Variants in XIAP observed in about 807,000 individuals in gnomAD.
XIAP encodes X-linked inhibitor of apoptosis, also known as E3 ubiquitin-protein ligase XIAP.
A neutral mutation model predicts 33.1 loss-of-function variants in XIAP; 3 were observed. That is an observed-to-expected ratio of 0.09 (90% CI 0.04 to 0.23). The LOEUF (loss-of-function observed/expected upper bound fraction) is 0.23. Among genes scored for constraint, XIAP ranks in the 10% least tolerant of loss-of-function variants. The probability of loss-of-function intolerance (pLI) is 1.00; values close to 1 mark genes in which losing one functional copy is unlikely to be tolerated. For synonymous variants in XIAP, 98 were observed against 121.3 expected (o/e 0.81, Z 1.26); for missense variants, 264 against 363.0 (o/e 0.73, Z 2.22).
intron 5 of XIAP, among the ~76,000 whole-genome samples, chrX:123,895,259 T>C (rs1007173408): frequency 2.8e-4 from 31 of 112,150 alleles, no homozygotes; most frequent in Non-Finnish European, 4.9e-4. Flanking sequence ...GGTGTATCCA[T>C]GTTGTAGCAT....
In XIAP at chrX:123,907,094, C is replaced by T. The variant is rs2053560552; in HGVS notation, c.1407C>T (p.Val469=). Residue 469 remains valine (V), a synonymous_variant, in exon 7 of 7, where the codon GTC becomes GTT. Coordinates refer to ENST00000371199, the MANE Select transcript of XIAP (RefSeq NM_001167.4). ...AIVFVPCGHL[V]TCKQCAEAVD... is the part of the protein sequence containing the mutation. Reference sequence around the variant, plus strand: ...TTTTTGTTCCTTGTGGACATCTAGTCACTTGTAAACAATGTGCTGAAGCAG... The same window carrying T: ...TTTTTGTTCCTTGTGGACATCTAGTTACTTGTAAACAATGTGCTGAAGCAG... The T allele has an allele frequency of 3.3e-6, 4 of 1,209,960 alleles. No homozygotes were observed.
At position 123,892,749 on chromosome X, in the gene XIAP, A is replaced by G. The variant is rs377097035; in HGVS notation, c.1075A>G (p.Thr359Ala). ...EECLVRTTEKTPSLTRRIDDT... is the reference protein window; with the variant it reads ...EECLVRTTEKAPSLTRRIDDT... ...GTTACAGGTAAGAACTACTGAGAAAACACCATCACTAACTAGAAGAATTGG... is the reference window on the plus strand; with the variant it reads ...GTTACAGGTAAGAACTACTGAGAAAGCACCATCACTAACTAGAAGAATTGG... Residue 359 changes from threonine (T) to alanine (A), a missense_variant, in exon 5 of 7, where the codon ACA becomes GCA. By Grantham distance (58) the Thr-to-Ala change is moderately conservative. Transcript: ENST00000371199. 3.7e-5 allele frequency: 45 copies of G among 1,201,477 alleles called. No individual in the cohort carries two copies. Among genetic ancestry groups the G allele is most frequent in the Non-Finnish European group, 4.8e-5 (43 of 888,156 alleles).
At position 123,892,744 on chromosome X, in the gene XIAP, A is replaced by G; in HGVS notation, c.1070A>G (p.Glu357Gly). The G allele has an allele frequency of 8.3e-7, 1 of 1,203,533 alleles. No individual in the cohort carries two copies. The highest frequency in any genetic ancestry group is 1.1e-6 in the Non-Finnish European group (1 of 888,530). Reference sequence around the variant, plus strand: ...TTTCTGTTACAGGTAAGAACTACTGAGAAAACACCATCACTAACTAGAAGA... The same window carrying G: ...TTTCTGTTACAGGTAAGAACTACTGGGAAAACACCATCACTAACTAGAAGA... ...SLEECLVRTT[E>G]KTPSLTRRID... The change falls in exon 5 of 7, where the codon GAG (glutamate) becomes GGG (glycine). Residue 357 changes from glutamate (E) to glycine (G), a missense_variant. Physicochemically the swap from Glu to Gly is moderately conservative, Grantham distance 98 (BLOSUM62 -2). Coordinates refer to ENST00000371199, the MANE Select transcript of XIAP (RefSeq NM_001167.4).
chrX:123,861,934 A>C (rs915806433), intron 1 of XIAP, among the ~76,000 whole-genome samples: 2 of 111,880 alleles, frequency 1.8e-5, no homozygotes, highest in Non-Finnish European at 3.8e-5. Context: ...AAATTGTCCT[A>C]AGCTTCTTGA....
Position 123,912,917 on chromosome X carries a change from A to G in XIAP, c.*5736A>G. 3.1e-6 allele frequency: 1 copy of G among 320,139 alleles called. No individual in the cohort carries two copies. Among genetic ancestry groups the G allele is most frequent in the Non-Finnish European group, 6.0e-6 (1 of 166,238 alleles). 26.4% of individuals were successfully genotyped at this position (320,139 alleles called of 1,213,427 possible). On this transcript the variant is annotated 3_prime_UTR_variant, in exon 7 of 7. Coordinates refer to ENST00000371199, the MANE Select transcript of XIAP (RefSeq NM_001167.4). ...GTGATTCATCTCCCAAAGTGCTGGG[A>G]TTACAGGCGTGAGCCACCACGGCCG...
At chrX:123,866,483 T>G (rs1286039137) in intron 1 of XIAP, among the ~76,000 whole-genome samples, 6 of 74,502 alleles carry the variant, frequency 8.1e-5, no homozygotes, top group Admixed American at 1.8e-4. Flanking sequence ...TACAATATAT[T>G]ATATATGATT....
At chrX:123,876,133 A>C (rs1045881279) in intron 1 of XIAP, among the ~76,000 whole-genome samples, 6 of 111,134 alleles carry the variant, frequency 5.4e-5, no homozygotes, top group Non-Finnish European at 1.1e-4. Flanking sequence ...GTCTGGTCTT[A>C]AATTCCTGGG....
rs1271217883 is a variant in XIAP at position 123,907,510 on chromosome X, T to C, written c.*329T>C. The C allele has an allele frequency of 5.2e-6, 2 of 381,112 alleles. No individual in the cohort carries two copies. Among genetic ancestry groups the C allele is most frequent in the South Asian group, 5.7e-5 (2 of 34,864 alleles). The allele number at this position is 381,112 out of a possible 1,213,427, so 31.4% of individuals were successfully genotyped here. ...GTAAGTGAATTAATCATCTGGATTT[T>C]TTATTCTTTTCAGATAGGCTTAACA... On this transcript the variant is annotated 3_prime_UTR_variant, in exon 7 of 7. Transcript: ENST00000371199.
intron 1 of XIAP, among the ~76,000 whole-genome samples, chrX:123,869,340 C>G (rs776406691): frequency 1.2e-4 from 8 of 65,961 alleles, no homozygotes; most frequent in South Asian, 7.6e-4. Context: ...CAGAGCAAAA[C>G]CCCATCTCTA....
rs557844823 is a variant in XIAP at position 123,906,118 on chromosome X, G to C, written c.1301-870G>C. Among the ~76,000 whole-genome samples the C allele has an allele frequency of 1.4e-4, 16 of 112,937 alleles. No homozygotes were observed. The South Asian group carries it at 5.8e-3, about 41-fold the overall frequency. On this transcript the variant is annotated intron_variant, in intron 6 of 6. Coordinates refer to ENST00000371199, the MANE Select transcript of XIAP (RefSeq NM_001167.4). ...TATTTATGCAATATTACTGGTAACTGCTGCTGCTGTTGTCATTATTGTTAT... is the reference window on the plus strand; with the variant it reads ...TATTTATGCAATATTACTGGTAACTCCTGCTGCTGTTGTCATTATTGTTAT...
intron 1 of XIAP, among the ~76,000 whole-genome samples, chrX:123,881,926 G>A (rs2053308220): frequency 9.1e-6 from 1 of 110,093 alleles, no homozygotes; most frequent in Non-Finnish European, 1.9e-5. Context: ...GCTAATTTTT[G>A]TAGTTTTTGG....
At chrX:123,872,069 C>T (rs1336914357) in intron 1 of XIAP, among the ~76,000 whole-genome samples, 1 of 111,113 alleles carries the variant, frequency 9.0e-6, no homozygotes, top group Non-Finnish European at 1.9e-5. Context: ...CCACTGCACT[C>T]CAGCCTGGTG....
chrX:123,883,024 A>C (rs1160779572), intron 1 of XIAP, among the ~76,000 whole-genome samples: 2 of 107,433 alleles, frequency 1.9e-5, no homozygotes, highest in Non-Finnish European at 3.8e-5. Flanking sequence ...CGAACTCCTG[A>C]CCTCAGGTGA....
At chrX:123,881,994 A>T (rs2053308641) in intron 1 of XIAP, among the ~76,000 whole-genome samples, 1 of 111,289 alleles carries the variant, frequency 9.0e-6, no homozygotes, top group South Asian at 3.7e-4. Flanking sequence ...ACCTCAAGTG[A>T]TCCACCCACC....
intron 6 of XIAP, among the ~76,000 whole-genome samples, chrX:123,903,339 C>A (rs1359723391): frequency 9.2e-6 from 1 of 108,699 alleles, no homozygotes; most frequent in African/African-American, 3.3e-5. Context: ...TAGGCATGTG[C>A]CACCACACCC....
At chrX:123,877,363 G>A (rs892671965) in intron 1 of XIAP, among the ~76,000 whole-genome samples, 3 of 111,638 alleles carry the variant, frequency 2.7e-5, no homozygotes, top group African/African-American at 3.2e-5. Flanking sequence ...CACCACGCCC[G>A]GCCATTAACT....
At position 123,907,462 on chromosome X, in the gene XIAP, G is replaced by A. The variant is rs2053563859; in HGVS notation, c.*281G>A. 1 of 410,698 alleles carries A rather than the reference G, an allele frequency of 2.4e-6. No individual in the cohort carries two copies. Among genetic ancestry groups the A allele is most frequent in the Non-Finnish European group, 4.4e-6 (1 of 228,935 alleles). 33.8% of individuals were successfully genotyped at this position (410,698 alleles called of 1,213,427 possible). A position where few individuals can be genotyped will look rare whatever the true frequency, so the allele number is the denominator to read the frequency against. ...TAACTGAACACAATGTGTATTCATAGTATACTGATTTAATTTCTAAGTGTA... is the reference window on the plus strand; with the variant it reads ...TAACTGAACACAATGTGTATTCATAATATACTGATTTAATTTCTAAGTGTA... On this transcript the variant is annotated 3_prime_UTR_variant, in exon 7 of 7. Transcript: ENST00000371199.
In XIAP at chrX:123,908,808, G is replaced by A; in HGVS notation, c.*1627G>A. 2.9e-6 allele frequency: 1 copy of A among 348,284 alleles called. No homozygotes were observed. 28.7% of individuals were successfully genotyped at this position (348,284 alleles called of 1,213,427 possible). A position where few individuals can be genotyped will look rare whatever the true frequency, so the allele number is the denominator to read the frequency against. The stretch of plus-strand genomic sequence containing the variant: ...GGGTATAAACTAGAAGTTTAAAAAT[G>A]CTTCATAGAACGTCCAGGGTTTACA... On this transcript the variant is annotated 3_prime_UTR_variant, in exon 7 of 7. Coordinates refer to ENST00000371199, the MANE Select transcript of XIAP (RefSeq NM_001167.4).
At position 123,897,143 on chromosome X, in the gene XIAP, G is replaced by A. The variant is rs938174391; in HGVS notation, c.1100-3350G>A. On this transcript the variant is annotated intron_variant, in intron 5 of 6. Coordinates refer to ENST00000371199, the MANE Select transcript of XIAP (RefSeq NM_001167.4). ...ACGGGGTTTCTCCATGTTGAGGCTC[G>A]TCTCGAACTCCTGACCTCAGGTGAT... 7.4e-5 allele frequency among the ~76,000 whole-genome samples: 8 copies of A among 108,652 alleles called. No individual in the cohort carries two copies. The East Asian group carries it at 8.8e-4, about 12-fold the overall frequency. The allele number at this position is 108,652 out of a possible 115,157, so 94.4% of individuals were successfully genotyped here.
Sources: gnomAD v4.1 joint callset for allele counts (sites outside exome capture counted in the v4.1 genomes callset) on GRCh38, gnomAD v4.1.1 for gene constraint, MANE v1.5 for transcripts, NCBI Gene and HGNC (gene_info 2026-07-23, HGNC 2026-07-21) for gene names.